CEP63: variants seen among roughly 807,000 people sequenced by gnomAD.
The protein encoded by CEP63 is centrosomal protein 63.
CEP63 carries 84 observed loss-of-function variants against 89.1 expected under a neutral mutation model. That is an observed-to-expected ratio of 0.94 (90% CI 0.79 to 1.13). The LOEUF (loss-of-function observed/expected upper bound fraction) is 1.13, where lower values mean the gene tolerates loss of function less well. CEP63 is among the 50% of genes most tolerant of loss of function. CEP63 has a pLI of 0.00. For missense variants in CEP63, 838 were observed against 813.3 expected (o/e 1.03, Z -0.37); for synonymous variants, 267 against 272.5 (o/e 0.98, Z 0.20).
the CEP63 span, among the ~76,000 whole-genome samples, chr3:134,689,104 C>T: frequency 7.9e-5 from 12 of 152,210 alleles, no homozygotes. Flanking sequence ...CTCTGTAGTC[C>T]CCAGCTCTTG....
At chr3:134,584,723 C>G (rs1368161111) in intron 10 of CEP63, among the ~76,000 whole-genome samples, 2 of 152,056 alleles carry the variant, frequency 1.3e-5, no homozygotes, top group Non-Finnish European at 2.9e-5. Flanking sequence ...CCCTCTTTTT[C>G]TATTGATTGG....
intron 3 of CEP63, among the ~76,000 whole-genome samples, chr3:134,525,063 G>A (rs1948346900): frequency 6.6e-6 from 1 of 152,128 alleles, no homozygotes; most frequent in Non-Finnish European, 1.5e-5. Flanking sequence ...TTCAGAACTT[G>A]TTATTGGTCT....
chr3:134,568,366 T>C (rs770728810), downstream of CEP63, among the ~76,000 whole-genome samples: 26 of 152,214 alleles, frequency 1.7e-4, no homozygotes, highest in Admixed American at 2.0e-4. Flanking sequence ...ACCGGAAGTG[T>C]TATCTCCCAG....
the CEP63 span, among the ~76,000 whole-genome samples, chr3:134,634,954 G>A: frequency 6.6e-6 from 1 of 152,242 alleles, no homozygotes. Context: ...TAGTGGGATT[G>A]TAAAATAGAA....
the CEP63 span, among the ~76,000 whole-genome samples, chr3:134,767,690 T>C: frequency 1.3e-5 from 2 of 152,208 alleles, no homozygotes; most frequent in African/African-American, 4.8e-5. Flanking sequence ...TATTCCAAGG[T>C]AACTTCAGAT....
At chr3:134,685,113 T>C in the CEP63 span, among the ~76,000 whole-genome samples, 1 of 152,204 alleles carries the variant, frequency 6.6e-6, no homozygotes, top group Non-Finnish European at 1.5e-5. Flanking sequence ...GAATTTATGG[T>C]TTAAACAGAG....
chr3:134,742,013 T>TGC, the CEP63 span, among the ~76,000 whole-genome samples: 1 of 151,924 alleles, frequency 6.6e-6, no homozygotes, highest in Non-Finnish European at 1.5e-5. Flanking sequence ...TGTGTGTGTG[T>TGC]GCACTCTCGT....
Position 134,531,899 on chromosome 3 carries a change from A to T in CEP63, c.277A>T (p.Thr93Ser). Reference sequence around the variant, plus strand: ...ACATGAAAAAATCAAGCAAGAGATGACCATGGAATATAAGCAGGAGTTGAA... The same window carrying T: ...ACATGAAAAAATCAAGCAAGAGATGTCCATGGAATATAAGCAGGAGTTGAA... Reference protein sequence around the residue: ...EEHEKIKQEMTMEYKQELKKL... With the variant: ...EEHEKIKQEMSMEYKQELKKL... Residue 93 changes from threonine (T) to serine (S), a missense_variant, in exon 4 of 15, where the codon ACC (threonine) becomes TCC (serine). Physicochemically the swap from Thr to Ser is moderately conservative, Grantham distance 58. Transcript: ENST00000675561. 1 of 1,613,612 alleles carries T rather than the reference A, an allele frequency of 6.2e-7. No homozygotes were observed. The highest frequency in any genetic ancestry group is 8.5e-7 in the Non-Finnish European group (1 of 1,179,670).
intron 12 of CEP63, 89 bp from the exon 13 acceptor site, chr3:134,558,053 T>C (rs1351406875): frequency 8.6e-7 from 1 of 1,160,798 alleles, no homozygotes; most frequent in East Asian, 2.3e-5. Context: ...TACTTACAAC[T>C]AAAAAACACT....
chr3:134,648,866 C>T, the CEP63 span, among the ~76,000 whole-genome samples: 5 of 152,186 alleles, frequency 3.3e-5, no homozygotes, highest in Non-Finnish European at 5.9e-5. Flanking sequence ...AAGGAAGATC[C>T]ACTCTCCAGT....
chr3:134,496,175 C>T (rs1939857598), intron 2 of CEP63, among the ~76,000 whole-genome samples: 1 of 139,742 alleles, frequency 7.2e-6, no homozygotes, highest in South Asian at 2.4e-4. Context: ...GTCTTTTCTA[C>T]AAGAGCAAAC....
At chr3:134,624,013 GGCT>G in the CEP63 span, among the ~76,000 whole-genome samples, 1,045 of 152,248 alleles carry the variant, frequency 6.9e-3, 1 homozygote, top group Non-Finnish European at 0.011. Flanking sequence ...TTGTATATTT[GGCT>G]GCCCAGGGGG....
chr3:134,775,441 C>G, the CEP63 span, among the ~76,000 whole-genome samples: 2 of 152,114 alleles, frequency 1.3e-5, no homozygotes, highest in Non-Finnish European at 2.9e-5. Flanking sequence ...TGAGGCTTTC[C>G]CTGAAGTGGT....
At chr3:134,756,528 A>AT in the CEP63 span, among the ~76,000 whole-genome samples, 205 of 151,898 alleles carry the variant, frequency 1.3e-3, 3 homozygotes, top group South Asian at 0.018. Context: ...TAGTTTTTGT[A>AT]TTTTTTTTAG....
At chr3:134,519,815 G>A (rs981268043) in intron 3 of CEP63, among the ~76,000 whole-genome samples, 2 of 152,050 alleles carry the variant, frequency 1.3e-5, no homozygotes, top group African/African-American at 4.8e-5. Flanking sequence ...CATATTATCA[G>A]AGGAAAAAAC....
chr3:134,506,049 G>A (rs1943366414), intron 2 of CEP63, among the ~76,000 whole-genome samples: 2 of 152,122 alleles, frequency 1.3e-5, no homozygotes, highest in African/African-American at 4.8e-5. Context: ...ATCCTATCTT[G>A]AGTTTTCTAC....
chr3:134,763,386 G>T, the CEP63 span, among the ~76,000 whole-genome samples: 1 of 152,034 alleles, frequency 6.6e-6, no homozygotes. Context: ...TGTGGTTCAG[G>T]GCTATGTTAC....
At chr3:134,704,645 G>A in the CEP63 span, among the ~76,000 whole-genome samples, 4 of 152,246 alleles carry the variant, frequency 2.6e-5, no homozygotes, top group Non-Finnish European at 5.9e-5. Context: ...GCCAGGGCTT[G>A]CCCATGCCTG....
the CEP63 span, among the ~76,000 whole-genome samples, chr3:134,725,363 G>A: frequency 1.6e-4 from 25 of 151,742 alleles, no homozygotes; most frequent in South Asian, 5.0e-3. Context: ...ATTTTCTTCT[G>A]CCCCTGCCTG....
Sources: gnomAD v4.1 joint callset for allele counts (sites outside exome capture counted in the v4.1 genomes callset) on GRCh38, gnomAD v4.1.1 for gene constraint, MANE v1.5 for transcripts, NCBI Gene and HGNC (gene_info 2026-07-23, HGNC 2026-07-21) for gene names.